The following SGIP1 variants were observed in gnomAD, a reference collection of about 807,000 sequenced individuals.
SGIP1 encodes the protein SH3GL interacting endocytic adaptor 1, also known as SH3-containing GRB2-like protein 3-interacting protein 1.
SGIP1 carries 38 observed loss-of-function variants against 107.5 expected under a neutral mutation model. The ratio of observed to expected loss-of-function variants is 0.35; its 90% confidence interval spans 0.27 to 0.46. The LOEUF (loss-of-function observed/expected upper bound fraction) is 0.46, where lower values mean the gene tolerates loss of function less well. SGIP1 is among the 20% of genes least tolerant of loss of function. The pLI, the probability that SGIP1 is intolerant of heterozygous loss-of-function variation, is 1.00. For synonymous variants in SGIP1, 365 were observed against 366.1 expected, an observed-to-expected ratio of 1.00 and a Z score of 0.03; for missense variants, 929 against 1,019.5, an observed-to-expected ratio of 0.91 and a Z score of 1.21.
chr1:66,646,324 G>A (rs1173063317), intron 7 of SGIP1, among the ~76,000 whole-genome samples: 2 of 151,982 alleles, frequency 1.3e-5, no homozygotes, highest in African/African-American at 4.8e-5. Context: ...AAAGGAAATA[G>A]GGTCTACACA....
intron 1 of SGIP1, among the ~76,000 whole-genome samples, chr1:66,574,810 G>A (rs10889631): frequency 0.15 from 23,356 of 151,996 alleles, 1,867 homozygotes; most frequent in Admixed American, 0.19. Flanking sequence ...GTGCACGCAC[G>A]CACATGTATA....
chr1:66,677,587 T>C (rs1175456699), intron 13 of SGIP1, among the ~76,000 whole-genome samples: 2 of 152,152 alleles, frequency 1.3e-5, no homozygotes, highest in Non-Finnish European at 2.9e-5. Flanking sequence ...GCTGAGATAG[T>C]AGATCAGAGT....
At chr1:66,592,897 CTTTTTTTTTTTT>C (rs35762612) in intron 1 of SGIP1, among the ~76,000 whole-genome samples, 10 of 56,354 alleles carry the variant, frequency 1.8e-4, no homozygotes, top group African/African-American at 6.0e-4. Flanking sequence ...TCTTCTTCTT[CTTTTTTTTTTTT>C]TTTTTTTTTT....
chr1:66,733,607 C>T, intron 20 of SGIP1, 141 bp from the exon 21 acceptor site: 1 of 824,792 alleles, frequency 1.2e-6, no homozygotes, highest in Non-Finnish European at 1.8e-6. Flanking sequence ...AACCACACTA[C>T]TGTTAATAGA....
intron 1 of SGIP1, among the ~76,000 whole-genome samples, chr1:66,574,838 T>C (rs538841095): frequency 2.5e-4 from 36 of 143,140 alleles, no homozygotes; most frequent in Admixed American, 8.0e-4. Context: ...ATATAGTTGA[T>C]GTCAGATTGC....
At position 66,691,918 on chromosome 1, in the gene SGIP1, T is replaced by C. The variant is rs188185596; in HGVS notation, c.1570+1602T>C. Among the ~76,000 whole-genome samples, 531 of 152,254 alleles carry C rather than the reference T, an allele frequency of 3.5e-3. 6 individuals carry two copies. The highest frequency in any genetic ancestry group is 0.012 in the African/African-American group (502 of 41,534). ...GCTCATGCCTGTAATCCCAGCACTT[T>C]GGGAGGCCGAGGCGGGCAGATCACA... On this transcript the variant is annotated intron_variant, in intron 17 of 24. Coordinates refer to ENST00000371037, the MANE Select transcript of SGIP1 (RefSeq NM_032291.4).
intron 5 of SGIP1, among the ~76,000 whole-genome samples, chr1:66,641,681 C>T (rs1351988303): frequency 1.3e-5 from 2 of 152,128 alleles, no homozygotes; most frequent in Non-Finnish European, 2.9e-5. Context: ...AAATATGGGT[C>T]ACAATGCTTA....
intron 21 of SGIP1, among the ~76,000 whole-genome samples, chr1:66,734,126 CA>C (rs373138441): frequency 9.9e-5 from 15 of 151,718 alleles, no homozygotes; most frequent in African/African-American, 1.7e-4. Flanking sequence ...AAATGTGCCA[CA>C]AAAAAATGAA....
intron 8 of SGIP1, 108 bp downstream of exon 8, chr1:66,660,632 T>C (rs890824519): frequency 9.2e-7 from 1 of 1,088,086 alleles, no homozygotes; most frequent in Non-Finnish European, 1.4e-6. Context: ...AACAAGGTTT[T>C]GAACTTTAAA....
intron 7 of SGIP1, among the ~76,000 whole-genome samples, chr1:66,644,346 TAAA>T (rs200625504): frequency 6.8e-6 from 1 of 146,372 alleles, no homozygotes; most frequent in Non-Finnish European, 1.5e-5. Flanking sequence ...AGATTTGGGG[TAAA>T]AAAAAAAAAG....
At chr1:66,716,300 A>G (rs1050947805) in intron 18 of SGIP1, among the ~76,000 whole-genome samples, 3 of 152,174 alleles carry the variant, frequency 2.0e-5, no homozygotes, top group African/African-American at 7.2e-5. Flanking sequence ...CTAATTGTCA[A>G]TTCACTTGGC....
chr1:66,579,976 T>C (rs781759773), intron 1 of SGIP1, among the ~76,000 whole-genome samples: 2 of 152,178 alleles, frequency 1.3e-5, no homozygotes, highest in Non-Finnish European at 2.9e-5. Flanking sequence ...GTCTCAGATA[T>C]AATCACTCCT....
chr1:66,658,938 G>A (rs1345415101), intron 7 of SGIP1, among the ~76,000 whole-genome samples: 2 of 152,148 alleles, frequency 1.3e-5, no homozygotes, highest in South Asian at 2.1e-4. Flanking sequence ...GGGGGAGAGG[G>A]AGAAGCAGCA....
chr1:66,626,734 A>G (rs948264841), intron 2 of SGIP1, among the ~76,000 whole-genome samples: 5 of 152,104 alleles, frequency 3.3e-5, no homozygotes, highest in African/African-American at 4.8e-5. Context: ...GAGCACAACT[A>G]TTCAGCTGCA....
At chr1:66,576,662 T>G (rs1366969515) in intron 1 of SGIP1, among the ~76,000 whole-genome samples, 2 of 152,188 alleles carry the variant, frequency 1.3e-5, no homozygotes, top group East Asian at 1.9e-4. Context: ...TCTGTTTAAA[T>G]TTTCTAGAAA....
At chr1:66,564,095 G>A (rs901616592) in intron 1 of SGIP1, among the ~76,000 whole-genome samples, 1 of 151,990 alleles carries the variant, frequency 6.6e-6, no homozygotes. Flanking sequence ...TTAGATTGAA[G>A]TTAGGAGTTG....
At chr1:66,679,888 T>C in intron 14 of SGIP1, 136 bp downstream of exon 14, 1 of 735,252 alleles carries the variant, frequency 1.4e-6, no homozygotes, top group Non-Finnish European at 2.0e-6. Flanking sequence ...TTGCTTTCAT[T>C]AGAATTTCTT....
chr1:66,576,773 A>C (rs1045059512), intron 1 of SGIP1, among the ~76,000 whole-genome samples: 1 of 151,920 alleles, frequency 6.6e-6, no homozygotes, highest in Non-Finnish European at 1.5e-5. Context: ...CACAAGCCAG[A>C]CTCCTCTTGA....
chr1:66,631,083 GAAAGAAAGAAAGAAAGAAAA>G (rs1351683561), intron 2 of SGIP1, among the ~76,000 whole-genome samples: 41 of 138,470 alleles, frequency 3.0e-4, no homozygotes, highest in African/African-American at 9.6e-4. Context: ...AAGAAAGAAA[GAAAGAAAGAAAGAAAGAAAA>G]AAAGAAAGAC....
Sources: allele counts gnomAD v4.1 joint callset (sites outside exome capture counted in the v4.1 genomes callset), GRCh38; gene constraint gnomAD v4.1.1; transcripts MANE v1.5; gene names NCBI Gene and HGNC (gene_info 2026-07-23, HGNC 2026-07-21).